The following CEP44 variants were observed in gnomAD, a reference collection of about 807,000 sequenced individuals.
CEP44 encodes the protein centrosomal protein of 44 kDa.
Under a neutral mutation model 46.7 loss-of-function variants are expected in CEP44, and 45 were observed. The observed-to-expected ratio is 0.96, with a 90% CI of 0.76 to 1.24. The LOEUF (loss-of-function observed/expected upper bound fraction) is 1.24. Among genes scored for constraint, CEP44 ranks in the 50% most tolerant of loss-of-function variants. The pLI is 0.00. For synonymous variants in CEP44, 142 were observed against 146.0 expected (o/e 0.97, Z 0.20); for missense variants, 475 against 459.7 (o/e 1.03, Z -0.30).
rs116127609 is a variant in CEP44, at chr4:174,325,364, A to G, written c.1087-6118A>G. On this transcript the variant is annotated intron_variant, in intron 8 of 8. Transcript: ENST00000426172. This position sits in a 1 kb window ranked among gnomAD's most constrained non-coding sequence, Gnocchi z 4.4. Reference sequence around the variant, plus strand: ...TTATAAATTTATTCATCACTGAGAGAGGGGTGTAGCCATGTACAGTCACTC... The same window carrying G: ...TTATAAATTTATTCATCACTGAGAGGGGGGTGTAGCCATGTACAGTCACTC... Among the ~76,000 whole-genome samples, 844 of 152,208 alleles carry G rather than the reference A, an allele frequency of 5.5e-3. 7 individuals are homozygous for G. Among genetic ancestry groups the G allele is most frequent in the African/African-American group, 0.019 (792 of 41,542 alleles).
At position 174,319,768 on chromosome 4, in the gene CEP44, C is replaced by G. The variant is rs907283837; in HGVS notation, c.*2385C>G. ...TCAATATATCATACATTTACACTTACAAAGAGTCTTTATCTAGACAACATA... is the reference window on the plus strand; with the variant it reads ...TCAATATATCATACATTTACACTTAGAAAGAGTCTTTATCTAGACAACATA... On this transcript the variant is annotated 3_prime_UTR_variant, in exon 12 of 12. Transcript: ENST00000503780. The G allele has an allele frequency of 1.1e-6, 1 of 914,094 alleles. No individual in the cohort carries two copies. The highest frequency in any genetic ancestry group is 1.3e-6 in the Non-Finnish European group (1 of 767,094). The allele number at this position is 914,094 out of a possible 1,614,324, so 56.6% of individuals were successfully genotyped here. A position where few individuals can be genotyped will look rare whatever the true frequency, so the allele number is the denominator to read the frequency against.
chr4:174,312,509 G>T lies in CEP44; in HGVS notation c.961+1651G>T, dbSNP rs1741199806. ...TAGTAAAACAAGGTCTTGCTATGTT[G>T]CTCAGGCTGGTCTTGAACTCCTGGG... On this transcript the variant is annotated intron_variant, in intron 9 of 11. Coordinates refer to ENST00000503780, the MANE Select transcript of CEP44 (RefSeq NM_001040157.3). This position sits in a 1 kb window ranked among gnomAD's most constrained non-coding sequence, Gnocchi z 4.5. Among the ~76,000 whole-genome samples, 1 of 151,996 alleles carries T rather than the reference G, an allele frequency of 6.6e-6. No homozygotes were observed. The highest frequency in any genetic ancestry group is 1.5e-5 in the Non-Finnish European group (1 of 68,004).
At chr4:174,316,953 G>A (rs1313762872) in intron 11 of CEP44, among the ~76,000 whole-genome samples, 1 of 151,762 alleles carries the variant, frequency 6.6e-6, no homozygotes, top group Non-Finnish European at 1.5e-5. Flanking sequence ...TATCACTGGT[G>A]TTTTTCGGCA....
At chr4:174,296,970 G>A (rs1739104187) in intron 1 of CEP44, among the ~76,000 whole-genome samples, 1 of 151,874 alleles carries the variant, frequency 6.6e-6, no homozygotes, top group Non-Finnish European at 1.5e-5. Flanking sequence ...TTTATGTAAT[G>A]ACCCTATGTC....
At chr4:174,320,684 C>CTGTGTGTGTGTGTGTGTGTGTGTG (rs34832692), downstream of CEP44, among the ~76,000 whole-genome samples, 13 of 147,528 alleles carry the variant, frequency 8.8e-5, no homozygotes, top group East Asian at 4.2e-4. Flanking sequence ...TGAGTGTGCT[C>CTGTGTGTGTGTGTGTGTGTGTGTG]TGTGTGTGTG....
intron 4 of CEP44, among the ~76,000 whole-genome samples, chr4:174,302,691 AC>A (rs1200980870): frequency 6.6e-6 from 1 of 151,494 alleles, no homozygotes; most frequent in Non-Finnish European, 1.5e-5. Context: ...TTTTTTTAAA[AC>A]CCTGCTTTTA....
chr4:174,308,880 A>C lies in CEP44; in HGVS notation c.678+21A>C, dbSNP rs1410345059. 3 of 1,603,530 alleles carry C rather than the reference A, an allele frequency of 1.9e-6. No individual in the cohort carries two copies. The Admixed American group carries it at 5.2e-5, about 28-fold the overall frequency. ...AACAGGTAACAACTTTGGACTTTTT[A>C]AATAGATGCCAGTATTTTTTACTTA... On this transcript the variant is annotated intron_variant, in intron 7 of 11. Coordinates refer to ENST00000503780, the MANE Select transcript of CEP44 (RefSeq NM_001040157.3).
intron 6 of CEP44, among the ~76,000 whole-genome samples, chr4:174,306,608 A>C (rs563061760): frequency 1.3e-5 from 2 of 152,170 alleles, no homozygotes; most frequent in South Asian, 2.1e-4. Context: ...TAGTAATGGT[A>C]ATATTTTGAT....
At chr4:174,316,833 T>C (rs1231706744) in intron 11 of CEP44, 1 of 296,354 alleles carries the variant, frequency 3.4e-6, no homozygotes, top group Non-Finnish European at 6.2e-6. Context: ...AAAGATATTT[T>C]TGGTTGGTAA....
At chr4:174,300,479 A>T (rs1739587385) in intron 3 of CEP44, among the ~76,000 whole-genome samples, 1 of 152,146 alleles carries the variant, frequency 6.6e-6, no homozygotes, top group South Asian at 2.1e-4. Flanking sequence ...TTTAAAAGAC[A>T]TTTTAAATAG....
chr4:174,302,987 G>A lies in CEP44; in HGVS notation c.238-716G>A, dbSNP rs564266092. Among the ~76,000 whole-genome samples, 42 of 151,976 alleles carry A rather than the reference G, an allele frequency of 2.8e-4. No homozygotes were observed. In the East Asian group the frequency reaches 4.5e-3, roughly 16 times the overall value. On this transcript the variant is annotated intron_variant, in intron 4 of 11. Transcript: ENST00000503780. ...TTAGTAGAGAGGGTTTCACCATGTT[G>A]GCCAGGATGGTCTCGATCTCCTGAC...
chr4:174,307,472 T>C (rs1018516807), intron 6 of CEP44, among the ~76,000 whole-genome samples: 8 of 152,188 alleles, frequency 5.3e-5, no homozygotes, highest in Non-Finnish European at 4.4e-5. Context: ...CAAGATGGAT[T>C]AGAGACTTAA....
chr4:174,317,343 A>G lies in CEP44; in HGVS notation c.1133A>G (p.Glu378Gly). The G allele has an allele frequency of 7.3e-7, 1 of 1,368,032 alleles. No homozygotes were observed. 84.7% of individuals were successfully genotyped at this position (1,368,032 alleles called of 1,614,324 possible). A position where few individuals can be genotyped will look rare whatever the true frequency, so the allele number is the denominator to read the frequency against. The change falls in exon 12 of 12, where the codon GAA becomes GGA. Residue 378 changes from glutamate to glycine, a missense_variant. Physicochemically the swap from Glu to Gly is moderately conservative, Grantham distance 98 (BLOSUM62 -2). Transcript: ENST00000503780. ...TATTTATTATATTTCAGGTTTGAAG[A>G]AACTGCAGAGTTACTGAAATGTCCA... is the stretch of plus-strand genomic sequence containing the variant. ...KMERMKKMFE[E>G]TAELLKCPNH...
chr4:174,304,299 T>A lies in CEP44; in HGVS notation c.437T>A (p.Leu146Ter). The A allele has an allele frequency of 6.2e-7, 1 of 1,611,730 alleles. No individual in the cohort carries two copies. The highest frequency in any genetic ancestry group is 2.2e-5 in the East Asian group (1 of 44,710). The change falls in exon 6 of 12, where the codon TTG (leucine) becomes TAG (stop). Residue 146 changes from leucine (L) to a stop codon, truncating the protein, a stop_gained. Transcript: ENST00000503780. LOFTEE classifies it high-confidence loss of function. ...KISSGKSEPP[L>*]GNEKISAEAV... ...AGTTCTGGTAAGTCAGAACCTCCTTTGGGCAATGAGAAAATATCTGCAGAG... is the reference window on the plus strand; with the variant it reads ...AGTTCTGGTAAGTCAGAACCTCCTTAGGGCAATGAGAAAATATCTGCAGAG...
chr4:174,283,792 A>C (rs1579046198), upstream of CEP44: 1 of 351,508 alleles, frequency 2.8e-6, no homozygotes, highest in East Asian at 4.5e-5. This position sits in a 1 kb window ranked among gnomAD's most constrained non-coding sequence, Gnocchi z 6.7. Context: ...TCAAGATCAG[A>C]AAAACTTCTC....
chr4:174,298,920 G>A, intron 2 of CEP44, 152 bp from the exon 3 acceptor site: 2 of 513,408 alleles, frequency 3.9e-6, no homozygotes, highest in Non-Finnish European at 6.9e-6. Context: ...TAGTTACAAA[G>A]TAGAACTTGA....
intron 11 of CEP44, among the ~76,000 whole-genome samples, chr4:174,317,030 C>A (rs1409918245): frequency 6.6e-6 from 1 of 151,564 alleles, no homozygotes; most frequent in South Asian, 2.1e-4. Flanking sequence ...TTCTAAAGAG[C>A]AGTTCAAAGG....
exon 9 of CEP44, chr4:174,333,143 G>A (rs544146132): frequency 6.6e-6 from 1 of 151,390 alleles, no homozygotes; most frequent in Admixed American, 6.6e-5. Flanking sequence ...TTTTTAATAG[G>A]CATAAAAAAG....
Position 174,303,762 on chromosome 4 carries a change from TG to T in CEP44, c.300del (p.Phe101LeufsTer13). 6.4e-7 allele frequency: 1 copy of T among 1,570,892 alleles called. No homozygotes were observed. The highest frequency in any genetic ancestry group is 8.7e-7 in the Non-Finnish European group (1 of 1,147,050). The part of the protein sequence containing the change: ...ILTKKQFIQC[G>X]FAEWKIQIVC... ...TGACAAAAAAGCAGTTTATCCAATG[TG>T]GGTTTGCAGAATGGAAAATCCAAAT... On this transcript the variant is annotated frameshift_variant, in exon 5 of 12. Transcript: ENST00000503780. LOFTEE classifies it high-confidence loss of function.
Sources: gnomAD v4.1 joint callset for allele counts (sites outside exome capture counted in the v4.1 genomes callset) on GRCh38, gnomAD v4.1.1 for gene constraint, Gnocchi (gnomAD v3.1) non-coding constraint, MANE v1.5 for transcripts, NCBI Gene and HGNC (gene_info 2026-07-23, HGNC 2026-07-21) for gene names.